ZNF469: variants seen among roughly 807,000 people sequenced by gnomAD.
The protein encoded by ZNF469 is zinc finger protein 469.
ZNF469 carries 1 observed loss-of-function variant against 1.0 expected under a neutral mutation model. That is an observed-to-expected ratio of 1.00 (90% confidence interval 0.35 to 4.73). ZNF469 has a LOEUF of 4.73. Among genes scored for constraint, ZNF469 ranks in the 30% most tolerant of loss-of-function variants. ZNF469 has a pLI of 0.16. For synonymous variants in ZNF469, 2,703 were observed against 2,363.4 expected, an observed-to-expected ratio of 1.14 and a Z score of -4.17; for missense variants, 6,100 against 5,356.3, an observed-to-expected ratio of 1.14 and a Z score of -4.33.
the ZNF469 span, among the ~76,000 whole-genome samples, chr16:88,330,134 T>C: frequency 2.0e-5 from 3 of 152,242 alleles, no homozygotes; most frequent in African/African-American, 7.2e-5. Context: ...CGTTTCTCAT[T>C]TAGGGACATG....
the ZNF469 span, among the ~76,000 whole-genome samples, chr16:88,106,706 G>A: frequency 1.3e-5 from 2 of 152,230 alleles, no homozygotes; most frequent in East Asian, 1.9e-4. Flanking sequence ...TGGTCCCAGC[G>A]ATGGGCATTC....
At chr16:88,102,047 A>C in the ZNF469 span, among the ~76,000 whole-genome samples, 2 of 149,030 alleles carry the variant, frequency 1.3e-5, no homozygotes, top group African/African-American at 4.9e-5. Context: ...CTCAGAAGTG[A>C]CATTCACCCC....
chr16:88,219,166 T>A, the ZNF469 span, among the ~76,000 whole-genome samples: 80 of 147,562 alleles, frequency 5.4e-4, no homozygotes, highest in Admixed American at 2.7e-3. Flanking sequence ...GTAGGAAGAA[T>A]CAATATCGTG....
chr16:88,243,616 C>T, the ZNF469 span, among the ~76,000 whole-genome samples: 1 of 151,838 alleles, frequency 6.6e-6, no homozygotes, highest in African/African-American at 2.4e-5. Context: ...AGCAGGTGGT[C>T]CAGAGGAGAT....
the ZNF469 span, among the ~76,000 whole-genome samples, chr16:88,314,240 G>A: frequency 7.6e-6 from 1 of 132,392 alleles, no homozygotes; most frequent in Non-Finnish European, 1.7e-5. Context: ...AGATGATGCT[G>A]GTGTAGAATA....
the ZNF469 span, among the ~76,000 whole-genome samples, chr16:88,303,907 C>T: frequency 1.3e-5 from 2 of 152,162 alleles, no homozygotes; most frequent in Non-Finnish European, 2.9e-5. Context: ...CAGTGCCACT[C>T]ACTCAGTGTC....
At chr16:88,369,213 G>A in the ZNF469 span, among the ~76,000 whole-genome samples, 3 of 152,076 alleles carry the variant, frequency 2.0e-5, no homozygotes, top group East Asian at 3.9e-4. Context: ...GATTCCCCTC[G>A]CCATTCCCCC....
chr16:88,321,050 G>A, the ZNF469 span, among the ~76,000 whole-genome samples: 25 of 152,376 alleles, frequency 1.6e-4, no homozygotes, highest in African/African-American at 6.0e-4. Context: ...GTCAGGGTGG[G>A]GACGTGAGGG....
the ZNF469 span, among the ~76,000 whole-genome samples, chr16:88,140,808 C>T: frequency 4.6e-5 from 7 of 152,132 alleles, no homozygotes; most frequent in Admixed American, 4.6e-4. Context: ...TGGCGGGCGC[C>T]TATAATCCCT....
chr16:88,256,895 C>CTTTCTCTCTTTCTTTCTTTCT, the ZNF469 span, among the ~76,000 whole-genome samples: 1 of 51,430 alleles, frequency 1.9e-5, no homozygotes, highest in African/African-American at 6.9e-5. Context: ...CTTTTCTTTC[C>CTTTCTCTCTTTCTTTCTTTCT]TTCTTTCTTT....
At chr16:88,193,101 GAT>G in the ZNF469 span, among the ~76,000 whole-genome samples, 36 of 116,194 alleles carry the variant, frequency 3.1e-4, 1 homozygote, top group Non-Finnish European at 5.4e-4. Flanking sequence ...TGATGGTGTT[GAT>G]GGTGGTGGTG....
chr16:88,231,867 G>A, the ZNF469 span, among the ~76,000 whole-genome samples: 2 of 152,198 alleles, frequency 1.3e-5, no homozygotes, highest in African/African-American at 2.4e-5. The surrounding 1 kb of genome is among the most constrained non-coding windows in gnomAD (Gnocchi z 4.5). Flanking sequence ...ATTAGGATGT[G>A]GGCATCTTTG....
intron 1 of ZNF469, among the ~76,000 whole-genome samples, chr16:88,403,784 G>A (rs1455616522): frequency 6.6e-6 from 1 of 152,228 alleles, no homozygotes; most frequent in Admixed American, 6.5e-5. Context: ...CCTCCCTAGA[G>A]GCCAAGCCCT....
chr16:88,225,976 T>C, the ZNF469 span, among the ~76,000 whole-genome samples: 52,260 of 151,320 alleles, frequency 0.35, 9,210 homozygotes, highest in South Asian at 0.37. Context: ...CCCTGGCTCC[T>C]TGCACATGGC....
chr16:88,392,012 T>C (rs1904504560), intron 1 of ZNF469, among the ~76,000 whole-genome samples: 1 of 152,256 alleles, frequency 6.6e-6, no homozygotes, highest in South Asian at 2.1e-4. Context: ...AGATACATTA[T>C]ATCACATAAC....
the ZNF469 span, among the ~76,000 whole-genome samples, chr16:88,117,885 A>T: frequency 6.6e-6 from 1 of 152,248 alleles, no homozygotes; most frequent in Non-Finnish European, 1.5e-5. Flanking sequence ...GGCTCCACAC[A>T]CTGCGCCCGT....
the ZNF469 span, among the ~76,000 whole-genome samples, chr16:88,375,308 C>G: frequency 6.6e-6 from 1 of 152,244 alleles, no homozygotes; most frequent in African/African-American, 2.4e-5. Context: ...GATGGGGAAA[C>G]TGAGGCACAG....
At chr16:88,381,521 G>T (rs1412499770), upstream of ZNF469, among the ~76,000 whole-genome samples, 1 of 152,212 alleles carries the variant, frequency 6.6e-6, no homozygotes, top group East Asian at 1.9e-4. Context: ...TGGGGTCTTT[G>T]TCCACAGCCA....
chr16:88,269,430 G>A, the ZNF469 span, among the ~76,000 whole-genome samples: 6 of 152,174 alleles, frequency 3.9e-5, no homozygotes, highest in African/African-American at 1.4e-4. Context: ...TTTCCCACAG[G>A]AGATGAATAT....
Sources: gnomAD v4.1 joint callset for allele counts (sites outside exome capture counted in the v4.1 genomes callset) on GRCh38, gnomAD v4.1.1 for gene constraint, Gnocchi (gnomAD v3.1) non-coding constraint, MANE v1.5 for transcripts, NCBI Gene and HGNC (gene_info 2026-07-23, HGNC 2026-07-21) for gene names.